Variants in NAV2 observed in about 807,000 individuals in gnomAD.
The protein encoded by NAV2 is neuron navigator 2.
NAV2 carries 54 observed loss-of-function variants against 223.2 expected under a neutral mutation model. That is an observed-to-expected ratio of 0.24 (90% CI 0.19 to 0.30). The LOEUF (loss-of-function observed/expected upper bound fraction) is 0.30, where lower values mean the gene tolerates loss of function less well. NAV2 is among the 10% of genes least tolerant of loss of function. The probability of loss-of-function intolerance (pLI) is 1.00; values close to 1 mark genes in which losing one functional copy is unlikely to be tolerated. For missense variants in NAV2, 2,806 were observed against 3,147.5 expected (o/e 0.89, Z 2.60); for synonymous variants, 1,279 against 1,239.3 (o/e 1.03, Z -0.67).
At chr11:19,397,418 T>TGTGTGTGTGTGTGTATGC (rs57566081) in intron 1 of NAV2, among the ~76,000 whole-genome samples, 50 of 145,356 alleles carry the variant, frequency 3.4e-4, no homozygotes, top group Admixed American at 1.9e-3. Flanking sequence ...TGTGTGTGTG[T>TGTGTGTGTGTGTGTATGC]GCGCGCATGT....
chr11:19,958,264 G>A (rs76256810), intron 10 of NAV2, among the ~76,000 whole-genome samples: 1,629 of 152,292 alleles, frequency 0.011, 83 homozygotes, highest in Admixed American at 0.084. Flanking sequence ...GTAAAATCCC[G>A]TGTAAAAAGT....
intron 1 of NAV2, among the ~76,000 whole-genome samples, chr11:19,363,711 T>C (rs2702750): frequency 0.97 from 147,995 of 152,226 alleles, 72,069 homozygotes; most frequent in East Asian, 1. Context: ...ACCGCCCCAA[T>C]TTCAGATGCC....
At chr11:19,494,375 T>A (rs1435125199) in intron 1 of NAV2, among the ~76,000 whole-genome samples, 2 of 152,210 alleles carry the variant, frequency 1.3e-5, no homozygotes, top group African/African-American at 4.8e-5. Context: ...CCCCAAATCA[T>A]TCTTCTTTGA....
chr11:19,851,644 C>T (rs2061139296), intron 3 of NAV2, among the ~76,000 whole-genome samples: 1 of 152,156 alleles, frequency 6.6e-6, no homozygotes, highest in Admixed American at 6.5e-5. Flanking sequence ...TCATTCCCTG[C>T]CCTGTTTACA....
chr11:20,106,606 T>C (rs1378835375), intron 35 of NAV2, among the ~76,000 whole-genome samples: 1 of 151,546 alleles, frequency 6.6e-6, no homozygotes, highest in Non-Finnish European at 1.5e-5. Context: ...CTCATGAGCA[T>C]TCTTTGTTGC....
chr11:19,840,391 G>A (rs1303824983), intron 2 of NAV2, among the ~76,000 whole-genome samples: 1 of 152,176 alleles, frequency 6.6e-6, no homozygotes, highest in Non-Finnish European at 1.5e-5. Flanking sequence ...CATTATTCAG[G>A]TGGCATATAA....
chr11:20,084,914 T>G (rs1276210924), intron 26 of NAV2, among the ~76,000 whole-genome samples: 1 of 152,128 alleles, frequency 6.6e-6, no homozygotes, highest in Non-Finnish European at 1.5e-5. Flanking sequence ...CCAAGCCAGG[T>G]GCAGTTACTG....
chr11:19,682,987 A>C (rs11025214), intron 1 of NAV2, among the ~76,000 whole-genome samples: 14,507 of 152,258 alleles, frequency 0.095, 789 homozygotes, highest in African/African-American at 0.13. Flanking sequence ...AGGATGAGGG[A>C]GGACTAGATT....
At chr11:19,507,621 G>T (rs898264050) in intron 1 of NAV2, among the ~76,000 whole-genome samples, 1 of 152,142 alleles carries the variant, frequency 6.6e-6, no homozygotes, top group Non-Finnish European at 1.5e-5. Context: ...GAGGAACATT[G>T]AAAATAAAGG....
At chr11:19,770,532 C>T (rs2055633054) in intron 1 of NAV2, among the ~76,000 whole-genome samples, 1 of 152,092 alleles carries the variant, frequency 6.6e-6, no homozygotes, top group Non-Finnish European at 1.5e-5. Context: ...GTCCTCAGGC[C>T]CCGGATGTTG....
At chr11:19,620,216 T>C (rs538579322) in intron 1 of NAV2, among the ~76,000 whole-genome samples, 271 of 152,274 alleles carry the variant, frequency 1.8e-3, no homozygotes, top group African/African-American at 6.2e-3. Context: ...TTTGTTCTTT[T>C]GGCTTAGGAT....
At chr11:20,035,722 C>A (rs1294213678) in intron 11 of NAV2, among the ~76,000 whole-genome samples, 2 of 152,198 alleles carry the variant, frequency 1.3e-5, no homozygotes, top group Non-Finnish European at 2.9e-5. Context: ...GTAGCCACCC[C>A]TGCTATGGAA....
chr11:19,777,329 C>T, intron 1 of NAV2: 1 of 243,644 alleles, frequency 4.1e-6, no homozygotes, highest in Non-Finnish European at 7.9e-6. Context: ...GCCGGGGATG[C>T]CTGGAGGGGC....
chr11:19,514,755 T>C (rs867089117), intron 1 of NAV2, among the ~76,000 whole-genome samples: 28 of 152,214 alleles, frequency 1.8e-4, no homozygotes, highest in African/African-American at 5.8e-4. Flanking sequence ...GGAAGTCTCC[T>C]GCCCGCAGCA....
chr11:19,356,432 G>T (rs1853622072), intron 1 of NAV2, among the ~76,000 whole-genome samples: 1 of 152,130 alleles, frequency 6.6e-6, no homozygotes, highest in Non-Finnish European at 1.5e-5. Flanking sequence ...TGAGGCACTG[G>T]GATCATGATG....
intron 1 of NAV2, among the ~76,000 whole-genome samples, chr11:19,771,804 G>T (rs1179374398): frequency 6.6e-6 from 1 of 152,166 alleles, no homozygotes; most frequent in Non-Finnish European, 1.5e-5. Flanking sequence ...TTCTGGGGGC[G>T]TATTCATTCA....
At chr11:19,869,512 A>G (rs960496905) in intron 4 of NAV2, among the ~76,000 whole-genome samples, 1 of 152,222 alleles carries the variant, frequency 6.6e-6, no homozygotes, top group African/African-American at 2.4e-5. Flanking sequence ...TTTGGTGGCT[A>G]ATTAGCACAT....
chr11:19,685,323 TGAA>T (rs778547897), intron 1 of NAV2, among the ~76,000 whole-genome samples: 1 of 152,104 alleles, frequency 6.6e-6, no homozygotes, highest in African/African-American at 2.4e-5. Context: ...GGGGAGCAGT[TGAA>T]GAAGAAGCCT....
chr11:20,082,740 G>A (rs180984805), intron 25 of NAV2: 7 of 958,326 alleles, frequency 7.3e-6, no homozygotes, highest in African/African-American at 1.6e-5. Context: ...CATCTGCTGA[G>A]CCAGACTCTG....
Sources: allele counts gnomAD v4.1 joint callset (sites outside exome capture counted in the v4.1 genomes callset), GRCh38; gene constraint gnomAD v4.1.1; transcripts MANE v1.5; gene names NCBI Gene and HGNC (gene_info 2026-07-23, HGNC 2026-07-21).